Variants in FBXL17 observed in about 807,000 individuals in gnomAD.
FBXL17 encodes F-box and leucine rich repeat protein 17.
A neutral mutation model predicts 66.2 loss-of-function variants in FBXL17; 22 were observed. The ratio of observed to expected loss-of-function variants is 0.33; its 90% CI spans 0.24 to 0.47. The LOEUF (loss-of-function observed/expected upper bound fraction) is 0.47, where lower values mean the gene tolerates loss of function less well. FBXL17 is among the 20% of genes least tolerant of loss of function. The probability of loss-of-function intolerance (pLI) is 1.00; values close to 1 mark genes in which losing one functional copy is unlikely to be tolerated. For missense variants in FBXL17, 878 were observed against 948.2 expected, an observed-to-expected ratio of 0.93 and a Z score of 0.97; for synonymous variants, 474 against 400.5, an observed-to-expected ratio of 1.18 and a Z score of -2.19.
intron 7 of FBXL17, among the ~76,000 whole-genome samples, chr5:108,013,544 T>C (rs1754263205): frequency 6.6e-6 from 1 of 152,184 alleles, no homozygotes; most frequent in African/African-American, 2.4e-5. Flanking sequence ...TTGCAGTCTA[T>C]GATGATTCTG....
chr5:108,028,561 T>C (rs1754914283), intron 6 of FBXL17, among the ~76,000 whole-genome samples: 1 of 152,164 alleles, frequency 6.6e-6, no homozygotes, highest in Non-Finnish European at 1.5e-5. Flanking sequence ...GCCACAACTC[T>C]GCTTTGCAGT....
chr5:107,876,125 C>T (rs1458399923), intron 8 of FBXL17, among the ~76,000 whole-genome samples: 2 of 152,248 alleles, frequency 1.3e-5, no homozygotes, highest in Admixed American at 6.5e-5. Flanking sequence ...AAGAAAAAAC[C>T]TCCCAGGAGA....
At chr5:108,311,492 C>T (rs1759115476) in intron 4 of FBXL17, among the ~76,000 whole-genome samples, 1 of 152,058 alleles carries the variant, frequency 6.6e-6, no homozygotes, top group East Asian at 1.9e-4. Flanking sequence ...CTTTTTATCA[C>T]TAATTCTCTT....
At chr5:107,892,053 C>A (rs576902051) in intron 7 of FBXL17, among the ~76,000 whole-genome samples, 3 of 152,058 alleles carry the variant, frequency 2.0e-5, no homozygotes, top group Non-Finnish European at 4.4e-5. Context: ...TGGGCAAAAT[C>A]ATCTAACACA....
chr5:108,310,004 A>T (rs2150196107), intron 4 of FBXL17, among the ~76,000 whole-genome samples: 1 of 152,264 alleles, frequency 6.6e-6, no homozygotes, highest in East Asian at 1.9e-4. Flanking sequence ...TCTGAAATTG[A>T]ATATTTATCA....
At chr5:108,356,260 G>A (rs1011975858) in intron 3 of FBXL17, among the ~76,000 whole-genome samples, 2 of 152,028 alleles carry the variant, frequency 1.3e-5, no homozygotes, top group Non-Finnish European at 2.9e-5. Context: ...GAACTAGAAG[G>A]AGAAATAGAT....
chr5:108,342,634 G>C (rs571799254), intron 4 of FBXL17, among the ~76,000 whole-genome samples: 77 of 152,230 alleles, frequency 5.1e-4, no homozygotes, highest in Non-Finnish European at 8.5e-4. Flanking sequence ...AGAAGTTTGG[G>C]AATCTTAACA....
intron 6 of FBXL17, among the ~76,000 whole-genome samples, chr5:108,066,567 A>G (rs941564997): frequency 1.7e-4 from 26 of 152,026 alleles, no homozygotes; most frequent in African/African-American, 4.8e-4. Context: ...TAACTAATGC[A>G]GGACATGTAA....
chr5:108,016,376 CAGT>C (rs1443104700), intron 7 of FBXL17, among the ~76,000 whole-genome samples: 4 of 152,150 alleles, frequency 2.6e-5, no homozygotes, highest in Non-Finnish European at 4.4e-5. Flanking sequence ...CCCCAAACAA[CAGT>C]GTCAGTATTT....
At chr5:108,289,136 T>C (rs74998316) in intron 4 of FBXL17, among the ~76,000 whole-genome samples, 1 of 152,196 alleles carries the variant, frequency 6.6e-6, no homozygotes, top group African/African-American at 2.4e-5. Flanking sequence ...TCGTGCAAAA[T>C]ACAGATAACA....
At chr5:108,029,819 C>G (rs937612063) in intron 6 of FBXL17, among the ~76,000 whole-genome samples, 1 of 151,190 alleles carries the variant, frequency 6.6e-6, no homozygotes, top group Non-Finnish European at 1.5e-5. Flanking sequence ...TCCACATTTC[C>G]TTTTTAATGT....
intron 7 of FBXL17, among the ~76,000 whole-genome samples, chr5:107,992,601 GT>G (rs1041118474): frequency 5.3e-4 from 81 of 152,248 alleles, no homozygotes; most frequent in African/African-American, 1.9e-3. Flanking sequence ...AATTATTTAA[GT>G]AAGTTCTATG....
intron 7 of FBXL17, among the ~76,000 whole-genome samples, chr5:107,986,844 T>A (rs1753027855): frequency 6.6e-6 from 1 of 151,928 alleles, no homozygotes; most frequent in East Asian, 1.9e-4. Context: ...AAGAATCAGA[T>A]TTGAGGGTGG....
intron 4 of FBXL17, among the ~76,000 whole-genome samples, chr5:108,308,262 CAAGT>C (rs1758949323): frequency 6.6e-6 from 1 of 151,918 alleles, no homozygotes; most frequent in African/African-American, 2.4e-5. Context: ...ATAACAATAA[CAAGT>C]AATGGTGGTT....
intron 4 of FBXL17, among the ~76,000 whole-genome samples, chr5:108,264,575 G>A (rs1365939255): frequency 6.6e-6 from 1 of 152,062 alleles, no homozygotes. Context: ...GGCTTAAAAT[G>A]AAAATAGATT....
At chr5:107,889,587 A>G (rs55841780) in intron 7 of FBXL17, among the ~76,000 whole-genome samples, 2,026 of 152,290 alleles carry the variant, frequency 0.013, 58 homozygotes, top group African/African-American at 0.046. Context: ...TCACAAAGGG[A>G]GCAAGCTAGC....
intron 5 of FBXL17, among the ~76,000 whole-genome samples, chr5:108,211,612 T>C (rs534248207): frequency 6.6e-6 from 1 of 152,254 alleles, no homozygotes; most frequent in African/African-American, 2.4e-5. Flanking sequence ...TATGAAATTC[T>C]GGGTTGAAAA....
intron 5 of FBXL17, among the ~76,000 whole-genome samples, chr5:108,218,002 T>G (rs562412666): frequency 6.6e-6 from 1 of 150,490 alleles, no homozygotes; most frequent in Non-Finnish European, 1.5e-5. Flanking sequence ...ATACCATATT[T>G]TCTAATTTTT....
At chr5:107,979,337 TCA>T (rs1472168100) in intron 7 of FBXL17, among the ~76,000 whole-genome samples, 7 of 152,204 alleles carry the variant, frequency 4.6e-5, no homozygotes, top group Admixed American at 2.6e-4. Flanking sequence ...GTCAAGCTAA[TCA>T]TATCATTACT....
Sources: allele counts gnomAD v4.1 joint callset (sites outside exome capture counted in the v4.1 genomes callset), GRCh38; gene constraint gnomAD v4.1.1; transcripts MANE v1.5; gene names NCBI Gene and HGNC (gene_info 2026-07-23, HGNC 2026-07-21).